DLG2: variants seen among roughly 807,000 people sequenced by gnomAD.
DLG2 encodes disks large homolog 2.
A neutral mutation model predicts 132.5 loss-of-function variants in DLG2; 45 were observed. The ratio of observed to expected loss-of-function variants is 0.34; its 90% CI spans 0.27 to 0.44. The LOEUF (loss-of-function observed/expected upper bound fraction) is 0.44. Ranked by LOEUF, DLG2 falls within the 20% of genes least tolerant of loss-of-function variation. The pLI, the probability that DLG2 is intolerant of heterozygous loss-of-function variation, is 1.00. For synonymous variants in DLG2, 424 were observed against 419.6 expected (o/e 1.01, Z -0.13); for missense variants, 1,045 against 1,196.9 (o/e 0.87, Z 1.87).
intron 6 of DLG2, among the ~76,000 whole-genome samples, chr11:84,615,832 AAAAAAAAAC>A (rs1217963287): frequency 1.4e-5 from 2 of 146,998 alleles, no homozygotes; most frequent in African/African-American, 5.1e-5. Context: ...AAAAAAAAAA[AAAAAAAAAC>A]TTCATTCCAG....
intron 18 of DLG2, among the ~76,000 whole-genome samples, chr11:83,646,299 T>C (rs1412826616): frequency 1.3e-5 from 2 of 152,028 alleles, no homozygotes; most frequent in African/African-American, 4.8e-5. Flanking sequence ...GAATCCTTTT[T>C]TATCTCCTAT....
intron 6 of DLG2, among the ~76,000 whole-genome samples, chr11:84,541,271 C>A (rs1038533092): frequency 3.0e-4 from 45 of 151,934 alleles, no homozygotes; most frequent in African/African-American, 1.1e-3. Flanking sequence ...GGAGTAGAGG[C>A]AGGATAGGTG....
chr11:85,579,081 G>A (rs145763240), intron 3 of DLG2, among the ~76,000 whole-genome samples: 1 of 152,242 alleles, frequency 6.6e-6, no homozygotes, highest in East Asian at 1.9e-4. Flanking sequence ...GTCCTTTGCA[G>A]GAACATGGAT....
chr11:84,351,540 T>A (rs2098571390), intron 7 of DLG2, among the ~76,000 whole-genome samples: 1 of 152,230 alleles, frequency 6.6e-6, no homozygotes, highest in Non-Finnish European at 1.5e-5. Context: ...AAAATATTAA[T>A]GGTACATTCT....
At chr11:85,096,858 G>A (rs759745912) in intron 6 of DLG2, among the ~76,000 whole-genome samples, 1 of 152,126 alleles carries the variant, frequency 6.6e-6, no homozygotes, top group Non-Finnish European at 1.5e-5. Context: ...AAAGACACGG[G>A]TGTCAGGCTA....
chr11:84,327,615 A>G (rs2154399684), intron 7 of DLG2, among the ~76,000 whole-genome samples: 1 of 152,194 alleles, frequency 6.6e-6, no homozygotes, highest in East Asian at 1.9e-4. Flanking sequence ...GGTTACCATG[A>G]AGCTTACATA....
chr11:83,554,159 C>T lies in DLG2; in HGVS notation c.1941-12301G>A, dbSNP rs193143064. Among the ~76,000 whole-genome samples the T allele has an allele frequency of 8.0e-3, 1,216 of 152,202 alleles. 13 individuals are homozygous for T. Among genetic ancestry groups the T allele is most frequent in the South Asian group, 0.02 (94 of 4,820 alleles). ...TTGGTCTCCCAAAGTGCTGGGATTA[C>T]AGGAATGAACCACCATGCCAGGCCT... On this transcript the variant is annotated intron_variant, in intron 19 of 27. Transcript: ENST00000376104.
In DLG2 at chr11:83,788,129, G is replaced by A. The variant is rs181338501; in HGVS notation, c.1723-1337C>T. On this transcript the variant is annotated intron_variant, in intron 17 of 27. Transcript: ENST00000376104. Reference sequence around the variant, plus strand: ...ATAAAGAACTGATTAGCTTATACACGTTCAAAATGTATAATCGTATTTTGC... The same window carrying A: ...ATAAAGAACTGATTAGCTTATACACATTCAAAATGTATAATCGTATTTTGC... Among the ~76,000 whole-genome samples the A allele has an allele frequency of 3.9e-5, 6 of 152,240 alleles. No homozygotes were observed. The East Asian group carries it at 9.7e-4, about 24-fold the overall frequency.
chr11:83,734,139 A>G (rs2091493088), intron 18 of DLG2, among the ~76,000 whole-genome samples: 1 of 152,196 alleles, frequency 6.6e-6, no homozygotes, highest in Non-Finnish European at 1.5e-5. Flanking sequence ...TTATCTATAG[A>G]CAGAAATATC....
intron 3 of DLG2, among the ~76,000 whole-genome samples, chr11:85,359,116 G>A (rs931232403): frequency 1.3e-5 from 2 of 152,134 alleles, no homozygotes; most frequent in African/African-American, 4.8e-5. Flanking sequence ...GTTATCACAC[G>A]AATAATTTAC....
intron 7 of DLG2, among the ~76,000 whole-genome samples, chr11:84,287,015 T>C (rs1342309702): frequency 6.6e-6 from 1 of 152,190 alleles, no homozygotes. Flanking sequence ...TTTCCTCATA[T>C]GTAAAGTGGG....
intron 10 of DLG2, among the ~76,000 whole-genome samples, chr11:84,070,655 G>A (rs2096742776): frequency 6.6e-6 from 1 of 152,178 alleles, no homozygotes; most frequent in Non-Finnish European, 1.5e-5. Context: ...GAACATTTCA[G>A]TGAAAAGTTG....
intron 3 of DLG2, among the ~76,000 whole-genome samples, chr11:85,462,804 A>G: frequency 6.6e-6 from 1 of 150,410 alleles, no homozygotes; most frequent in East Asian, 2.0e-4. Context: ...AGTATAATTT[A>G]AAAAAAAAAA....
chr11:83,937,918 G>A (rs1416228802), intron 14 of DLG2, among the ~76,000 whole-genome samples: 2 of 152,118 alleles, frequency 1.3e-5, no homozygotes, highest in Non-Finnish European at 2.9e-5. Flanking sequence ...ATATATTTCA[G>A]GAGTTTTAGA....
intron 3 of DLG2, among the ~76,000 whole-genome samples, chr11:85,507,830 C>T (rs1386432817): frequency 6.6e-6 from 1 of 152,142 alleles, no homozygotes; most frequent in Non-Finnish European, 1.5e-5. Context: ...TCTCCCATCA[C>T]TTTCCAGTAC....
At chr11:84,967,737 A>G (rs1010462312) in intron 6 of DLG2, among the ~76,000 whole-genome samples, 1 of 152,128 alleles carries the variant, frequency 6.6e-6, no homozygotes, top group Non-Finnish European at 1.5e-5. Context: ...TATTTCCATG[A>G]TTGGAAAAAT....
intron 4 of DLG2, among the ~76,000 whole-genome samples, chr11:85,242,233 C>T (rs2075916953): frequency 6.6e-6 from 1 of 151,924 alleles, no homozygotes; most frequent in Admixed American, 6.6e-5. Context: ...TTCTTGCATC[C>T]AGTGTTACTA....
At chr11:84,180,578 A>C (rs2096090400) in intron 8 of DLG2, among the ~76,000 whole-genome samples, 1 of 152,084 alleles carries the variant, frequency 6.6e-6, no homozygotes. Flanking sequence ...ACACACAAGC[A>C]AACAAAAAAT....
intron 15 of DLG2, among the ~76,000 whole-genome samples, chr11:83,908,008 C>A (rs749098252): frequency 6.6e-6 from 1 of 152,124 alleles, no homozygotes; most frequent in Non-Finnish European, 1.5e-5. Context: ...ATATTATAAT[C>A]ATCATTTTAT....
Sources: allele counts gnomAD v4.1 joint callset (sites outside exome capture counted in the v4.1 genomes callset), GRCh38; gene constraint gnomAD v4.1.1; transcripts MANE v1.5; gene names NCBI Gene and HGNC (gene_info 2026-07-23, HGNC 2026-07-21).